Variants in SYT6 observed in about 807,000 individuals in gnomAD.
SYT6 encodes the protein synaptotagmin-6.
Under a neutral mutation model 38.4 loss-of-function variants are expected in SYT6, and 24 were observed. That is an observed-to-expected ratio of 0.62 (90% CI 0.45 to 0.88). The LOEUF is 0.88. Among genes scored for constraint, SYT6 ranks in the 40% least tolerant of loss-of-function variants. The pLI, the probability that SYT6 is intolerant of heterozygous loss-of-function variation, is 0.00. For missense variants in SYT6, 611 were observed against 621.0 expected, an observed-to-expected ratio of 0.98 and a Z score of 0.17; for synonymous variants, 265 against 241.9, an observed-to-expected ratio of 1.10 and a Z score of -0.89.
intron 3 of SYT6, among the ~76,000 whole-genome samples, chr1:114,113,805 C>G (rs1676831598): frequency 6.6e-6 from 1 of 152,176 alleles, no homozygotes; most frequent in Non-Finnish European, 1.5e-5. Flanking sequence ...ACACAGCAGC[C>G]AGAGTGCTCT....
intron 3 of SYT6, among the ~76,000 whole-genome samples, chr1:114,131,132 A>G (rs930209941): frequency 1.3e-5 from 2 of 152,160 alleles, no homozygotes; most frequent in African/African-American, 4.8e-5. Flanking sequence ...TCCCCAAGAC[A>G]GCAGAACTGG....
At chr1:114,150,993 G>C (rs924538654) in intron 1 of SYT6, among the ~76,000 whole-genome samples, 1 of 152,178 alleles carries the variant, frequency 6.6e-6, no homozygotes, top group Non-Finnish European at 1.5e-5. Flanking sequence ...AAGAAGTCAA[G>C]GGAAAACATA....
chr1:114,129,336 T>A (rs1677946047), intron 3 of SYT6, among the ~76,000 whole-genome samples: 1 of 152,178 alleles, frequency 6.6e-6, no homozygotes, highest in Non-Finnish European at 1.5e-5. Flanking sequence ...CTGTGTACAG[T>A]AGTCTAGTCC....
At chr1:114,100,098 A>G (rs796098775) in intron 4 of SYT6, among the ~76,000 whole-genome samples, 5 of 152,072 alleles carry the variant, frequency 3.3e-5, no homozygotes. Context: ...AGTTTTCTGA[A>G]TGGGTATTTC....
rs529504620 is a variant in SYT6 at position 114,093,589 on chromosome 1, A to G, written c.*51+146T>C. On this transcript the variant is annotated intron_variant, in intron 7 of 7. Coordinates refer to ENST00000610222, the MANE Select transcript of SYT6 (RefSeq NM_001253772.2). ...CACAGCTAGCTAGGGGCAGAGCCAG[A>G]ACCCGAAACCAGGTCTCCTAACACC... 498 of 657,844 alleles carry G rather than the reference A, an allele frequency of 7.6e-4. 3 individuals carry two copies. In the African/African-American group the frequency reaches 8.2e-3, roughly 11 times the overall value. 40.8% of individuals were successfully genotyped at this position (657,844 alleles called of 1,614,324 possible). A position where few individuals can be genotyped will look rare whatever the true frequency, so the allele number is the denominator to read the frequency against.
chr1:114,112,442 T>A (rs1258227563), intron 3 of SYT6, among the ~76,000 whole-genome samples: 7 of 152,258 alleles, frequency 4.6e-5, no homozygotes, highest in Non-Finnish European at 8.8e-5. Flanking sequence ...AAAAGAGGCT[T>A]AGTATTTCAC....
At chr1:114,105,472 C>G (rs1676240668) in intron 3 of SYT6, among the ~76,000 whole-genome samples, 1 of 134,000 alleles carries the variant, frequency 7.5e-6, no homozygotes. Context: ...AAATCAAATT[C>G]TAGGAACAGC....
chr1:114,131,092 A>G (rs1678117256), intron 3 of SYT6, among the ~76,000 whole-genome samples: 1 of 152,118 alleles, frequency 6.6e-6, no homozygotes, highest in Non-Finnish European at 1.5e-5. Flanking sequence ...GCCTTCCCCC[A>G]ACATGCTGGG....
chr1:114,102,257 G>A (rs895477905), intron 4 of SYT6, among the ~76,000 whole-genome samples: 2 of 152,154 alleles, frequency 1.3e-5, no homozygotes, highest in African/African-American at 4.8e-5. Flanking sequence ...GTATTTTAGG[G>A]GAAGCTGACT....
chr1:114,108,720 A>G (rs1302606165), intron 3 of SYT6, among the ~76,000 whole-genome samples: 3 of 152,152 alleles, frequency 2.0e-5, no homozygotes, highest in Non-Finnish European at 4.4e-5. Flanking sequence ...TGCCCCTCAA[A>G]TGTTTTGTTC....
At chr1:114,105,440 C>G (rs1044380575) in intron 3 of SYT6, among the ~76,000 whole-genome samples, 24 of 92,844 alleles carry the variant, frequency 2.6e-4, no homozygotes, top group Admixed American at 9.0e-4. Context: ...TTTGTCCAGG[C>G]CCCCGAAAAA....
intron 3 of SYT6, among the ~76,000 whole-genome samples, chr1:114,124,314 T>C (rs746529903): frequency 6.6e-6 from 1 of 152,108 alleles, no homozygotes; most frequent in Non-Finnish European, 1.5e-5. Flanking sequence ...CAGTTAGAAA[T>C]CTTGTTGGGT....
At chr1:114,130,189 T>C (rs1396816596) in intron 3 of SYT6, among the ~76,000 whole-genome samples, 1 of 151,928 alleles carries the variant, frequency 6.6e-6, no homozygotes, top group South Asian at 2.1e-4. Context: ...AACCCAACTT[T>C]CCTATCACAT....
chr1:114,138,029 C>A lies in SYT6; in HGVS notation c.537G>T (p.Leu179=), dbSNP rs1156232051. The A allele has an allele frequency of 1.2e-6, 2 of 1,613,688 alleles. No individual in the cohort carries two copies. The highest frequency in any genetic ancestry group is 3.3e-5 in the Admixed American group (2 of 59,976). ...STRHTSFKRH[L]PRQMHVSSVD... is the part of the protein sequence containing the mutation. ...CACTGGAGACATGCATCTGCCTTGG[C>A]AGGTGGCGCTTGAAGGACGTGTGCC... Residue 179 remains leucine, a synonymous_variant, in exon 3 of 8, where the codon CTG becomes CTT. Coordinates refer to ENST00000610222, the MANE Select transcript of SYT6 (RefSeq NM_001253772.2).
intron 3 of SYT6, among the ~76,000 whole-genome samples, chr1:114,106,554 A>T (rs2100997783): frequency 6.6e-6 from 1 of 152,126 alleles, no homozygotes; most frequent in Non-Finnish European, 1.5e-5. Flanking sequence ...TGGGGCTTTC[A>T]GCAACTGGGC....
At chr1:114,153,556 G>A (rs1188070265) in intron 1 of SYT6, 54 bp downstream of exon 1, 1 of 572,380 alleles carries the variant, frequency 1.7e-6, no homozygotes, top group East Asian at 3.4e-5. Context: ...TTTGGGGAAG[G>A]GAGATCGCAG....
At position 114,137,665 on chromosome 1, in the gene SYT6, G is replaced by A. The variant is rs373910479; in HGVS notation, c.901C>T (p.Pro301Ser). The part of the protein sequence containing the change: ...NPTFDENFHF[P>S]VPYEELADRK... ...TCAGCCAGCTCCTCATAGGGCACAG[G>A]GAAGTGGAAGTTCTCATCAAAGGTG... Residue 301 changes from proline to serine, a missense_variant, in exon 3 of 8, where the codon CCT (proline) becomes TCT (serine). Pro to Ser is a moderately conservative substitution (Grantham distance 74, BLOSUM62 -1). Transcript: ENST00000610222. 7 of 1,613,790 alleles carry A rather than the reference G, an allele frequency of 4.3e-6. No homozygotes were observed. Among genetic ancestry groups the A allele is most frequent in the African/African-American group, 2.7e-5 (2 of 74,922 alleles).
chr1:114,139,719 G>A lies in SYT6; in HGVS notation c.408C>T (p.His136=). Residue 136 remains histidine (H), a synonymous_variant, in exon 2 of 8, where the codon CAC becomes CAT. Coordinates refer to ENST00000610222, the MANE Select transcript of SYT6 (RefSeq NM_001253772.2). ...GFLEAAVKIS[H]TSPDIPAEVQ... Reference sequence around the variant, plus strand: ...CCTCAGCTGGGATATCTGGGGACGTGTGGCTGATCTTCACGGCCGCCTCCA... The same window carrying A: ...CCTCAGCTGGGATATCTGGGGACGTATGGCTGATCTTCACGGCCGCCTCCA... The A allele has an allele frequency of 6.2e-7, 1 of 1,614,182 alleles. No homozygotes were observed. Among genetic ancestry groups the A allele is most frequent in the Non-Finnish European group, 8.5e-7 (1 of 1,180,036 alleles).
At chr1:114,129,401 C>T (rs968888981) in intron 3 of SYT6, among the ~76,000 whole-genome samples, 2 of 145,218 alleles carry the variant, frequency 1.4e-5, no homozygotes, top group African/African-American at 5.6e-5. Context: ...ACCATATTAA[C>T]CTCTCCCGCC....
Sources: gnomAD v4.1 joint callset for allele counts (sites outside exome capture counted in the v4.1 genomes callset) on GRCh38, gnomAD v4.1.1 for gene constraint, MANE v1.5 for transcripts, NCBI Gene and HGNC (gene_info 2026-07-23, HGNC 2026-07-21) for gene names.